Variants in ERICH1 observed in about 807,000 individuals in gnomAD.
The protein encoded by ERICH1 is glutamate-rich protein 1.
In ERICH1, 56 loss-of-function variants were observed where a neutral mutation model predicts 39.6. The ratio of observed to expected loss-of-function variants is 1.41; its 90% confidence interval spans 1.14 to 1.77. ERICH1 has a LOEUF of 1.77. Among genes scored for constraint, ERICH1 ranks in the 40% most tolerant of loss-of-function variants. The pLI, the probability that ERICH1 is intolerant of heterozygous loss-of-function variation, is 0.00. For missense variants in ERICH1, 826 were observed against 575.4 expected, an observed-to-expected ratio of 1.44 and a Z score of -4.45; for synonymous variants, 313 against 223.6, an observed-to-expected ratio of 1.40 and a Z score of -3.57.
At chr8:708,239 A>C (rs1813747768) in intron 2 of ERICH1, among the ~76,000 whole-genome samples, 1 of 152,248 alleles carries the variant, frequency 6.6e-6, no homozygotes, top group Admixed American at 6.5e-5. Context: ...AGTTTCTGAA[A>C]AAGTTAAACA....
At position 622,607 on chromosome 8, in the gene ERICH1, C is replaced by T. The variant is rs572346374; in HGVS notation, c.977-7323G>A. On this transcript the variant is annotated intron_variant, in intron 3 of 3. Coordinates refer to the ERICH1 transcript ENST00000522706. ...AGGTATTTTGATATCACAGTCCAAACAGACTACCCTTGAAAACCCAAGCCA... is the reference window on the plus strand; with the variant it reads ...AGGTATTTTGATATCACAGTCCAAATAGACTACCCTTGAAAACCCAAGCCA... Among the ~76,000 whole-genome samples the T allele has an allele frequency of 8.5e-5, 13 of 152,228 alleles. No individual in the cohort carries two copies. The South Asian group carries it at 1.5e-3, about 17-fold the overall frequency.
chr8:677,123 C>T (rs758262069), intron 3 of ERICH1, among the ~76,000 whole-genome samples: 1 of 152,240 alleles, frequency 6.6e-6, no homozygotes, highest in African/African-American at 2.4e-5. Context: ...GGGTGAGCTC[C>T]GGGCTCTTCG....
intron 3 of ERICH1, among the ~76,000 whole-genome samples, chr8:638,849 C>T (rs1373833259): frequency 1.3e-5 from 2 of 152,120 alleles, no homozygotes; most frequent in Non-Finnish European, 2.9e-5. Flanking sequence ...GGCAGTCACC[C>T]GCTGCCCTTG....
chr8:667,394 C>G (rs913591176), intron 5 of ERICH1: 4 of 153,282 alleles, frequency 2.6e-5, no homozygotes, highest in African/African-American at 9.6e-5. Flanking sequence ...CGCATGCGCA[C>G]TTGGCTGCAA....
intron 2 of ERICH1, among the ~76,000 whole-genome samples, chr8:707,294 G>A (rs371497821): frequency 3.4e-4 from 50 of 147,692 alleles, no homozygotes; most frequent in Admixed American, 9.1e-4. Context: ...TGCAACCTCT[G>A]CCTCCCGGGT....
intron 3 of ERICH1, among the ~76,000 whole-genome samples, chr8:677,728 A>C (rs1287223262): frequency 6.6e-6 from 1 of 152,200 alleles, no homozygotes; most frequent in Non-Finnish European, 1.5e-5. Flanking sequence ...GTGTCTATTA[A>C]AAAATGTGAC....
At chr8:697,557 T>TC (rs1311742014) in intron 2 of ERICH1, among the ~76,000 whole-genome samples, 1 of 152,118 alleles carries the variant, frequency 6.6e-6, no homozygotes, top group Non-Finnish European at 1.5e-5. Flanking sequence ...CCCTGTCAAA[T>TC]CGTCCCCTCA....
chr8:652,653 G>C (rs1800122313), intron 3 of ERICH1, among the ~76,000 whole-genome samples: 1 of 152,246 alleles, frequency 6.6e-6, no homozygotes, highest in Non-Finnish European at 1.5e-5. Flanking sequence ...TGAGCTTACA[G>C]GGTGTCTTCA....
At chr8:708,701 T>TTTTTTTTTC (rs1813999945) in intron 2 of ERICH1, among the ~76,000 whole-genome samples, 1 of 136,576 alleles carries the variant, frequency 7.3e-6, no homozygotes, top group Non-Finnish European at 1.6e-5. Flanking sequence ...TTTTTTTTTT[T>TTTTTTTTTC]TTTTTTTTTT....
intron 2 of ERICH1, among the ~76,000 whole-genome samples, chr8:707,232 G>A (rs1813501635): frequency 1.5e-5 from 2 of 131,232 alleles, no homozygotes; most frequent in East Asian, 2.3e-4. Context: ...TTTTTAGACA[G>A]AGTATCACTC....
chr8:635,154 T>C (rs1798327228), intron 3 of ERICH1, among the ~76,000 whole-genome samples: 1 of 150,494 alleles, frequency 6.6e-6, no homozygotes, highest in African/African-American at 2.4e-5. Context: ...TGCCTCTCCC[T>C]GTGACCATTT....
chr8:690,960 C>T (rs903245766), intron 3 of ERICH1: 1 of 152,266 alleles, frequency 6.6e-6, no homozygotes, highest in Non-Finnish European at 1.5e-5. Flanking sequence ...TGCCGTGTTC[C>T]CACACTGACC....
downstream of ERICH1, among the ~76,000 whole-genome samples, chr8:660,849 T>C (rs954457162): frequency 3.3e-5 from 5 of 151,978 alleles, no homozygotes; most frequent in South Asian, 4.2e-4. Context: ...CCATGAGCTA[T>C]ATGGGACTGC....
intron 3 of ERICH1, among the ~76,000 whole-genome samples, chr8:656,236 G>C (rs769972200): frequency 6.6e-6 from 1 of 152,016 alleles, no homozygotes; most frequent in Non-Finnish European, 1.5e-5. Context: ...CAAGCCTCCC[G>C]TCTGGGTGCT....
intron 3 of ERICH1, among the ~76,000 whole-genome samples, chr8:652,036 G>A (rs1703909): frequency 0.69 from 105,652 of 152,118 alleles, 37,136 homozygotes; most frequent in East Asian, 0.9. Flanking sequence ...TGAGGCATCC[G>A]GGGACCTGGA....
chr8:668,234 G>T (rs1802581062), intron 5 of ERICH1: 1 of 305,338 alleles, frequency 3.3e-6, no homozygotes, highest in Non-Finnish European at 6.2e-6. Flanking sequence ...GGTTCAATAA[G>T]GTACCAGAGA....
At chr8:618,929 C>T (rs757084066) in intron 3 of ERICH1, among the ~76,000 whole-genome samples, 10 of 152,084 alleles carry the variant, frequency 6.6e-5, no homozygotes, top group South Asian at 4.1e-4. Flanking sequence ...ATCATTTAAC[C>T]GGAGAAAATG....
chr8:705,105 T>C (rs779832039), intron 2 of ERICH1, among the ~76,000 whole-genome samples: 11 of 152,370 alleles, frequency 7.2e-5, no homozygotes, highest in East Asian at 1.9e-4. Context: ...AAACAGATCG[T>C]GTGAAGTGAA....
chr8:673,934 G>A lies in ERICH1; in HGVS notation c.418C>T (p.Gln140Ter), dbSNP rs1216214705. The change falls in exon 4 of 6, where the codon CAG becomes TAG. Residue 140 changes from glutamine to a stop codon, truncating the protein, a stop_gained. Coordinates refer to ENST00000262109, the MANE Select transcript of ERICH1 (RefSeq NM_207332.3). LOFTEE classifies it high-confidence loss of function. ...LIEQAELEKQ[Q>*]SLLQEKSQRQ... ...TGAGATTTCTCCTGTAACAGACTCT[G>A]CTGTTTCTCTAATTCTGCTTGTTCT... 6.2e-7 allele frequency: 1 copy of A among 1,612,548 alleles called. No individual in the cohort carries two copies. The highest frequency in any genetic ancestry group is 8.5e-7 in the Non-Finnish European group (1 of 1,179,880).
Sources: gnomAD v4.1 joint callset for allele counts (sites outside exome capture counted in the v4.1 genomes callset) on GRCh38, gnomAD v4.1.1 for gene constraint, MANE v1.5 for transcripts, NCBI Gene and HGNC (gene_info 2026-07-23, HGNC 2026-07-21) for gene names.